Variants in PDE10A observed in about 807,000 individuals in gnomAD.
PDE10A encodes cAMP and cAMP-inhibited cGMP 3',5'-cyclic phosphodiesterase 10A.
Under a neutral mutation model 97.7 loss-of-function variants are expected in PDE10A, and 39 were observed. The observed-to-expected ratio is 0.40, with a 90% CI of 0.31 to 0.52. PDE10A has a LOEUF of 0.52. PDE10A is among the 20% of genes least tolerant of loss of function. The probability of loss-of-function intolerance (pLI) is 0.56; values close to 1 mark genes in which losing one functional copy is unlikely to be tolerated. For synonymous variants in PDE10A, 371 were observed against 376.8 expected (o/e 0.98, Z 0.18); for missense variants, 731 against 1,047.8 (o/e 0.70, Z 4.17).
At chr6:165,399,746 G>C (rs1446907043) in intron 13 of PDE10A, among the ~76,000 whole-genome samples, 1 of 152,090 alleles carries the variant, frequency 6.6e-6, no homozygotes, top group African/African-American at 2.4e-5. Flanking sequence ...CCCTACAAAG[G>C]ACATGAACTC....
chr6:165,513,700 A>G (rs1781635412), intron 2 of PDE10A, among the ~76,000 whole-genome samples: 1 of 152,098 alleles, frequency 6.6e-6, no homozygotes, highest in Non-Finnish European at 1.5e-5. Context: ...AATTTCTTTC[A>G]GCAATGTTTC....
At chr6:165,564,619 T>G (rs890559354) in intron 1 of PDE10A, among the ~76,000 whole-genome samples, 14 of 152,202 alleles carry the variant, frequency 9.2e-5, no homozygotes, top group African/African-American at 3.4e-4. Flanking sequence ...CAGTGAAGAA[T>G]TCCCATAGCA....
At chr6:165,753,451 G>A (rs1405060382) in intron 1 of PDE10A, among the ~76,000 whole-genome samples, 1 of 152,200 alleles carries the variant, frequency 6.6e-6, no homozygotes. Flanking sequence ...TATCACAGTG[G>A]CCCTAAGGGA....
intron 13 of PDE10A, among the ~76,000 whole-genome samples, chr6:165,412,054 T>C (rs1192824109): frequency 6.6e-6 from 1 of 151,948 alleles, no homozygotes; most frequent in African/African-American, 2.4e-5. Flanking sequence ...TTTTGACATC[T>C]ATCAAAATGT....
chr6:165,629,952 GAATA>G (rs759724400), intron 1 of PDE10A, among the ~76,000 whole-genome samples: 17 of 152,076 alleles, frequency 1.1e-4, no homozygotes, highest in Non-Finnish European at 1.9e-4. Context: ...TTAAAAACAA[GAATA>G]AATTGATACC....
chr6:165,417,188 C>A (rs560340947), intron 11 of PDE10A, among the ~76,000 whole-genome samples: 1 of 152,246 alleles, frequency 6.6e-6, no homozygotes, highest in South Asian at 2.1e-4. Context: ...CTTAAAACAC[C>A]AAAGAGTGAA....
chr6:165,963,638 C>T (rs1784420907), intron 1 of PDE10A, among the ~76,000 whole-genome samples: 1 of 152,140 alleles, frequency 6.6e-6, no homozygotes, highest in South Asian at 2.1e-4. Context: ...AAGAAAAGGG[C>T]CCAGAGAGGG....
intron 1 of PDE10A, among the ~76,000 whole-genome samples, chr6:165,848,470 A>T (rs1446941356): frequency 6.6e-6 from 1 of 152,192 alleles, no homozygotes; most frequent in Non-Finnish European, 1.5e-5. Flanking sequence ...GGCTCTGGAC[A>T]ATAGATCTTT....
intron 1 of PDE10A, among the ~76,000 whole-genome samples, chr6:165,955,128 G>A (rs1022409586): frequency 2.6e-5 from 4 of 151,970 alleles, no homozygotes; most frequent in African/African-American, 4.8e-5. Flanking sequence ...TGATCCACAC[G>A]CGTAGAAAGG....
chr6:165,816,923 C>T (rs1326238844), intron 1 of PDE10A, among the ~76,000 whole-genome samples: 1 of 152,086 alleles, frequency 6.6e-6, no homozygotes, highest in Non-Finnish European at 1.5e-5. Flanking sequence ...GGGTGCGGCA[C>T]ACTTAAGAGC....
intron 3 of PDE10A, among the ~76,000 whole-genome samples, chr6:165,481,156 A>G (rs1268208509): frequency 6.6e-6 from 1 of 152,194 alleles, no homozygotes; most frequent in Non-Finnish European, 1.5e-5. Context: ...CACTTTTCAG[A>G]GTCCCCATCT....
chr6:165,808,408 G>C lies in PDE10A; in HGVS notation c.-615+179121C>G, dbSNP rs1779194510. On this transcript the variant is annotated intron_variant, in intron 1 of 19. Transcript: ENST00000366882. ...ACAGACAGCGGGTGATGTCGCAGGA[G>C]GAGTGGTGGCCAGGGAGCGTGGTGA... Among the ~76,000 whole-genome samples, 3 of 152,222 alleles carry C rather than the reference G, an allele frequency of 2.0e-5. No homozygotes were observed. In the South Asian group the frequency reaches 6.2e-4, roughly 31 times the overall value.
intron 1 of PDE10A, among the ~76,000 whole-genome samples, chr6:165,709,238 G>A (rs1791818528): frequency 2.7e-5 from 2 of 74,096 alleles, no homozygotes; most frequent in African/African-American, 5.5e-5. Flanking sequence ...CCATGCTCCC[G>A]TGCTCTCTCC....
chr6:165,739,440 A>T (rs935161872), intron 1 of PDE10A, among the ~76,000 whole-genome samples: 1 of 152,232 alleles, frequency 6.6e-6, no homozygotes, highest in African/African-American at 2.4e-5. Context: ...ATTCACAGCC[A>T]AAAGAATGAA....
At chr6:165,617,687 A>G (rs1787791896) in intron 1 of PDE10A, among the ~76,000 whole-genome samples, 1 of 152,128 alleles carries the variant, frequency 6.6e-6, no homozygotes, top group Admixed American at 6.5e-5. Context: ...TGGTGCCAAG[A>G]CTAGGAAAGT....
At chr6:165,891,620 G>T (rs768314105) in intron 1 of PDE10A, among the ~76,000 whole-genome samples, 3 of 152,088 alleles carry the variant, frequency 2.0e-5, no homozygotes, top group Non-Finnish European at 4.4e-5. Context: ...GCAGGTCCTG[G>T]TCACAGTCCT....
At chr6:165,376,106 CT>C (rs1373184259) in intron 18 of PDE10A, among the ~76,000 whole-genome samples, 9 of 152,162 alleles carry the variant, frequency 5.9e-5, no homozygotes, top group Non-Finnish European at 1.2e-4. Context: ...AGAAATACAT[CT>C]TGTAAGAATA....
chr6:165,628,415 G>A (rs566201072), intron 1 of PDE10A, among the ~76,000 whole-genome samples: 4 of 152,038 alleles, frequency 2.6e-5, no homozygotes, highest in Admixed American at 6.5e-5. Context: ...GCAGTGACAC[G>A]ATCACATAGC....
At chr6:165,354,095 A>G (rs1782871087) in intron 18 of PDE10A, among the ~76,000 whole-genome samples, 1 of 152,194 alleles carries the variant, frequency 6.6e-6, no homozygotes, top group Non-Finnish European at 1.5e-5. Flanking sequence ...GAAAATTAGT[A>G]GGCTAAGATA....
Sources: gnomAD v4.1 joint callset for allele counts (sites outside exome capture counted in the v4.1 genomes callset) on GRCh38, gnomAD v4.1.1 for gene constraint, MANE v1.5 for transcripts, NCBI Gene and HGNC (gene_info 2026-07-23, HGNC 2026-07-21) for gene names.